Variants in PLCG2 observed in about 807,000 individuals in gnomAD.
PLCG2 encodes phospholipase C gamma 2.
In PLCG2, 69 loss-of-function variants were observed where a neutral mutation model predicts 175.6. The observed-to-expected ratio is 0.39, with a 90% CI of 0.32 to 0.48. The LOEUF is 0.48. Ranked by LOEUF, PLCG2 falls within the 20% of genes least tolerant of loss-of-function variation. The pLI is 0.91. For missense variants in PLCG2, 1,798 were observed against 1,650.9 expected (o/e 1.09, Z -1.54); for synonymous variants, 827 against 624.0 (o/e 1.33, Z -4.85).
intron 13 of PLCG2, among the ~76,000 whole-genome samples, chr16:81,897,664 G>C (rs900570856): frequency 6.6e-6 from 1 of 150,748 alleles, no homozygotes; most frequent in African/African-American, 2.4e-5. Context: ...CCCTGTCTCA[G>C]CCTCCCGAGT....
At chr16:81,756,605 G>C (rs2143077644) in intron 2 of PLCG2, among the ~76,000 whole-genome samples, 1 of 152,228 alleles carries the variant, frequency 6.6e-6, no homozygotes, top group Middle Eastern at 3.4e-3. Context: ...GAGGTGGTGG[G>C]GGAAAGAAGG....
chr16:81,883,544 C>G, intron 9 of PLCG2: 1 of 596,266 alleles, frequency 1.7e-6, no homozygotes, highest in East Asian at 2.8e-5. Flanking sequence ...CACTGAAACT[C>G]TGGATGAGAA....
intron 9 of PLCG2, among the ~76,000 whole-genome samples, chr16:81,888,393 A>C (rs2059211060): frequency 6.6e-6 from 1 of 151,974 alleles, no homozygotes; most frequent in South Asian, 2.1e-4. Flanking sequence ...AGAAAAAAAA[A>C]ATGTTTGTAT....
chr16:81,833,801 G>T (rs1309686301), intron 2 of PLCG2, among the ~76,000 whole-genome samples: 2 of 152,062 alleles, frequency 1.3e-5, no homozygotes, highest in African/African-American at 4.8e-5. Context: ...TCCTGCCTTG[G>T]CCTCCCAAAG....
At chr16:81,939,042 C>G in intron 29 of PLCG2, 127 bp downstream of exon 29, 1 of 641,850 alleles carries the variant, frequency 1.6e-6, no homozygotes, top group Non-Finnish European at 2.8e-6. Context: ...CTCCCTCTTG[C>G]CCACATGGTT....
In PLCG2 at chr16:81,912,806, C is replaced by T. The variant is rs1206362429; in HGVS notation, c.2054+90C>T. The T allele has an allele frequency of 3.5e-6, 5 of 1,437,826 alleles. No homozygotes were observed. In the South Asian group the frequency reaches 5.8e-5, roughly 17 times the overall value. The allele number at this position is 1,437,826 out of a possible 1,614,324, so 89.1% of individuals were successfully genotyped here. A position where few individuals can be genotyped will look rare whatever the true frequency, so the allele number is the denominator to read the frequency against. The stretch of plus-strand genomic sequence containing the variant: ...CAAGGGGGAACTTCAGGTGGAGGCT[C>T]ACCTGCAGTGCCCTGCCCCCCCAGC... On this transcript the variant is annotated intron_variant, in intron 19 of 32. Coordinates refer to ENST00000564138, the MANE Select transcript of PLCG2 (RefSeq NM_002661.5).
chr16:81,824,567 G>A (rs4405545), intron 2 of PLCG2, among the ~76,000 whole-genome samples: 107,708 of 152,082 alleles, frequency 0.71, 38,466 homozygotes, highest in East Asian at 0.91. Flanking sequence ...TCTCCCTCAG[G>A]CCTTCTCACC....
chr16:81,927,621 C>G lies in PLCG2; in HGVS notation c.2514+443C>G, dbSNP rs149645375. Among the ~76,000 whole-genome samples the G allele has an allele frequency of 2.4e-3, 365 of 152,274 alleles. 1 individual carries two copies. Among genetic ancestry groups the G allele is most frequent in the African/African-American group, 8.2e-3 (341 of 41,540 alleles). Reference sequence around the variant, plus strand: ...AACCTGGTGGTTGTTCCCTCGCCGCCTCTTGTTTAGAGAGCAGCCACTTTC... The same window carrying G: ...AACCTGGTGGTTGTTCCCTCGCCGCGTCTTGTTTAGAGAGCAGCCACTTTC... On this transcript the variant is annotated intron_variant, in intron 23 of 32. Transcript: ENST00000564138.
chr16:81,892,265 C>A (rs1425585069), intron 11 of PLCG2, among the ~76,000 whole-genome samples: 1 of 152,106 alleles, frequency 6.6e-6, no homozygotes. Flanking sequence ...TGAGAGCTGT[C>A]GGGGAGACCC....
rs1911579120 is a variant in PLCG2, at chr16:81,956,626, T to G, written c.3571-69T>G. 5.7e-6 allele frequency: 8 copies of G among 1,415,412 alleles called. No individual in the cohort carries two copies. In the East Asian group the frequency reaches 1.6e-4, roughly 29 times the overall value. The allele number at this position is 1,415,412 out of a possible 1,614,324, so 87.7% of individuals were successfully genotyped here. A position where few individuals can be genotyped will look rare whatever the true frequency, so the allele number is the denominator to read the frequency against. The stretch of plus-strand genomic sequence containing the variant: ...GCTCCCTTTGGGCATGCTTGTGAGA[T>G]GCCAGGTTCACATTTTGGTTTGGAA... On this transcript the variant is annotated intron_variant, in intron 31 of 32. Coordinates refer to ENST00000564138, the MANE Select transcript of PLCG2 (RefSeq NM_002661.5).
intron 13 of PLCG2, among the ~76,000 whole-genome samples, chr16:81,897,041 T>C (rs1346376737): frequency 2.0e-5 from 3 of 152,240 alleles, no homozygotes; most frequent in African/African-American, 7.2e-5. Context: ...GTTGCAACTA[T>C]TCAGCCCTGT....
At chr16:81,940,464 G>GT (rs951729644) in intron 30 of PLCG2, among the ~76,000 whole-genome samples, 2 of 152,034 alleles carry the variant, frequency 1.3e-5, no homozygotes, top group Admixed American at 1.3e-4. Context: ...TCTTGGGGGG[G>GT]GAGTAACAAT....
intron 2 of PLCG2, among the ~76,000 whole-genome samples, chr16:81,819,593 A>G (rs1159822876): frequency 6.6e-6 from 1 of 152,042 alleles, no homozygotes; most frequent in Non-Finnish European, 1.5e-5. Flanking sequence ...TATTATTATT[A>G]TTATTTTTTG....
chr16:81,739,273 G>A (rs1448422812), exon 1 of PLCG2: 1 of 152,022 alleles, frequency 6.6e-6, no homozygotes, highest in African/African-American at 2.4e-5. Flanking sequence ...CTTGGGCACA[G>A]GGGATTAAGC....
intron 6 of PLCG2, among the ~76,000 whole-genome samples, chr16:81,869,953 A>G (rs1050094204): frequency 2.6e-5 from 4 of 152,224 alleles, no homozygotes; most frequent in African/African-American, 4.8e-5. Flanking sequence ...AAACAGCCCC[A>G]GTTGGAGGAC....
intron 11 of PLCG2, 125 bp from the exon 12 acceptor site, chr16:81,893,584 T>C (rs1908739622): frequency 1.5e-6 from 1 of 678,776 alleles, no homozygotes. Flanking sequence ...TCTTTCTACA[T>C]GGAAGAACTC....
At chr16:81,836,999 A>G (rs1905551991) in intron 2 of PLCG2, among the ~76,000 whole-genome samples, 1 of 152,168 alleles carries the variant, frequency 6.6e-6, no homozygotes. Context: ...GGTCCTTAGT[A>G]GGAAGTTGAG....
chr16:81,923,124 G>A (rs766630041), intron 21 of PLCG2, among the ~76,000 whole-genome samples: 3 of 152,130 alleles, frequency 2.0e-5, no homozygotes. Flanking sequence ...TCCTTTCTTT[G>A]TTGAGGAAAT....
chr16:81,899,699 G>C (rs58431500), intron 13 of PLCG2, among the ~76,000 whole-genome samples: 2,979 of 152,248 alleles, frequency 0.02, 104 homozygotes, highest in African/African-American at 0.068. Context: ...AGGGCTGCCT[G>C]GTGTTCCTGA....
Sources: allele counts gnomAD v4.1 joint callset (sites outside exome capture counted in the v4.1 genomes callset), GRCh38; gene constraint gnomAD v4.1.1; transcripts MANE v1.5; gene names NCBI Gene and HGNC (gene_info 2026-07-23, HGNC 2026-07-21).